Variants in CBFB observed in about 807,000 individuals in gnomAD.
The protein encoded by CBFB is core-binding factor subunit beta.
In CBFB, 9 loss-of-function variants were observed where a neutral mutation model predicts 30.4. The observed-to-expected ratio is 0.30, with a 90% confidence interval of 0.18 to 0.52. The LOEUF is 0.52. Ranked by LOEUF, CBFB falls within the 20% of genes least tolerant of loss-of-function variation. The pLI, the probability that CBFB is intolerant of heterozygous loss-of-function variation, is 0.97. For missense variants in CBFB, 170 were observed against 244.0 expected (o/e 0.70, Z 2.02); for synonymous variants, 94 against 84.0 (o/e 1.12, Z -0.65).
At chr16:67,031,603 T>C (rs141827951) in intron 2 of CBFB, among the ~76,000 whole-genome samples, 9,567 of 152,250 alleles carry the variant, frequency 0.063, 482 homozygotes, top group African/African-American at 0.13. Context: ...CTTCGCCTCC[T>C]GGGTTAAAGC....
At chr16:67,037,882 G>T (rs973378707) in intron 3 of CBFB, among the ~76,000 whole-genome samples, 2 of 151,844 alleles carry the variant, frequency 1.3e-5, no homozygotes, top group Admixed American at 1.3e-4. Context: ...TATTGGTCAG[G>T]CTGGTCTTGA....
chr16:67,065,229 G>A (rs1355320389), intron 3 of CBFB, among the ~76,000 whole-genome samples: 2 of 152,110 alleles, frequency 1.3e-5, no homozygotes. Context: ...TGAAGCTGAA[G>A]GTTCACCAGA....
chr16:67,085,780 C>G (rs1597158360), intron 5 of CBFB, among the ~76,000 whole-genome samples: 1 of 150,750 alleles, frequency 6.6e-6, no homozygotes, highest in African/African-American at 2.4e-5. Flanking sequence ...CTGGTTCAAG[C>G]CATTCTTCTG....
intron 4 of CBFB, among the ~76,000 whole-genome samples, chr16:67,076,403 A>T (rs959903875): frequency 6.6e-6 from 1 of 152,160 alleles, no homozygotes; most frequent in African/African-American, 2.4e-5. Flanking sequence ...TAAATAATTT[A>T]AAAAACATCA....
rs1383880014 is a variant in CBFB, at chr16:67,064,037, C to G, written c.283-2645C>G. ...CATTTGGTGCAGGTAAATGAAAAGC[C>G]TCGTTAATAAATATATATTTGATAA... is the stretch of plus-strand genomic sequence containing the variant. On this transcript the variant is annotated intron_variant, in intron 3 of 5. Transcript: ENST00000412916. Among the ~76,000 whole-genome samples the G allele has an allele frequency of 3.3e-5, 5 of 152,224 alleles. No individual in the cohort carries two copies. In the East Asian group the frequency reaches 9.6e-4, roughly 29 times the overall value.
At chr16:67,063,631 C>T (rs1378799749) in intron 3 of CBFB, among the ~76,000 whole-genome samples, 1 of 152,008 alleles carries the variant, frequency 6.6e-6, no homozygotes, top group African/African-American at 2.4e-5. Flanking sequence ...CTTGTAGAGA[C>T]AGGGTTTCAT....
intron 4 of CBFB, among the ~76,000 whole-genome samples, chr16:67,074,181 A>G (rs1961319744): frequency 6.6e-6 from 1 of 150,826 alleles, no homozygotes; most frequent in Non-Finnish European, 1.5e-5. Context: ...ACCATCAGTT[A>G]CATTTCTATA....
In CBFB at chr16:67,050,348, C is replaced by T. The variant is rs897722802; in HGVS notation, c.282+13593C>T. ...CACACACATATATATGTATATATAA[C>T]GTTCTAAGACTTTCAGGGATTCCTG... On this transcript the variant is annotated intron_variant, in intron 3 of 5. Coordinates refer to ENST00000412916, the MANE Select transcript of CBFB (RefSeq NM_022845.3). 2.0e-5 allele frequency among the ~76,000 whole-genome samples: 3 copies of T among 149,854 alleles called. No homozygotes were observed. In the Admixed American group the frequency reaches 2.0e-4, roughly 10 times the overall value.
At chr16:67,092,728 T>TTTTTTTTTTTA (rs1961930659) in intron 5 of CBFB, among the ~76,000 whole-genome samples, 1 of 131,166 alleles carries the variant, frequency 7.6e-6, no homozygotes, top group Non-Finnish European at 1.5e-5. Context: ...TTTTTTTTTT[T>TTTTTTTTTTTA]TTGAGATAAA....
chr16:67,042,368 C>CT (rs1474792115), intron 3 of CBFB, among the ~76,000 whole-genome samples: 12 of 152,334 alleles, frequency 7.9e-5, no homozygotes, highest in African/African-American at 9.6e-5. Context: ...AGGCTGGCCT[C>CT]TAACTCCTGG....
At chr16:67,085,771 T>G (rs1961711829) in intron 5 of CBFB, among the ~76,000 whole-genome samples, 1 of 146,720 alleles carries the variant, frequency 6.8e-6, no homozygotes, top group Non-Finnish European at 1.5e-5. Flanking sequence ...TCCGCCTCCC[T>G]GGTTCAAGCC....
chr16:67,064,328 TC>T (rs1555537160), intron 3 of CBFB, among the ~76,000 whole-genome samples: 1 of 152,162 alleles, frequency 6.6e-6, no homozygotes, highest in Non-Finnish European at 1.5e-5. Context: ...TGTCTCAGCC[TC>T]CCAAGTACCT....
In CBFB at chr16:67,074,252, G is replaced by A. The variant is rs538829386; in HGVS notation, c.399+7454G>A. Among the ~76,000 whole-genome samples the A allele has an allele frequency of 4.6e-5, 7 of 151,306 alleles. No individual in the cohort carries two copies. In the South Asian group the frequency reaches 6.3e-4, roughly 14 times the overall value. The stretch of plus-strand genomic sequence containing the variant: ...GTGCAGACAAGGGTGGGGGGCAGGG[G>A]GTAGGTCTCTTCAGTAAATGATGCT... On this transcript the variant is annotated intron_variant, in intron 4 of 5. Transcript: ENST00000412916.
chr16:67,070,813 T>C (rs1485820212), intron 4 of CBFB, among the ~76,000 whole-genome samples: 2 of 152,142 alleles, frequency 1.3e-5, no homozygotes, highest in African/African-American at 4.8e-5. Context: ...ATCACACCAC[T>C]GCACTCCAGC....
At chr16:67,062,637 G>T in intron 3 of CBFB, among the ~76,000 whole-genome samples, 1 of 151,322 alleles carries the variant, frequency 6.6e-6, no homozygotes, top group Non-Finnish European at 1.5e-5. Flanking sequence ...ACTAAAAATA[G>T]AAAAGTTAGC....
intron 2 of CBFB, among the ~76,000 whole-genome samples, chr16:67,035,214 G>A (rs866579855): frequency 8.5e-5 from 13 of 152,196 alleles, no homozygotes; most frequent in South Asian, 2.1e-4. Flanking sequence ...CTCCCAAGTA[G>A]CTGGGATTAC....
chr16:67,065,869 A>AT (rs1043732991), intron 3 of CBFB, among the ~76,000 whole-genome samples: 67 of 152,336 alleles, frequency 4.4e-4, no homozygotes, highest in African/African-American at 1.5e-3. Flanking sequence ...GGAAAAGTAA[A>AT]AAATAAATAA....
At chr16:67,076,442 G>A (rs771421451) in intron 4 of CBFB, among the ~76,000 whole-genome samples, 8 of 151,996 alleles carry the variant, frequency 5.3e-5, no homozygotes, top group Non-Finnish European at 8.8e-5. Flanking sequence ...TTATGTAAAA[G>A]TACAAAATCA....
At chr16:67,033,734 C>T (rs1248196859) in intron 2 of CBFB, among the ~76,000 whole-genome samples, 1 of 151,658 alleles carries the variant, frequency 6.6e-6, no homozygotes, top group Non-Finnish European at 1.5e-5. Flanking sequence ...GCTTCAGCCT[C>T]CCGAGTAACT....
Sources: allele counts gnomAD v4.1 joint callset (sites outside exome capture counted in the v4.1 genomes callset), GRCh38; gene constraint gnomAD v4.1.1; transcripts MANE v1.5; gene names NCBI Gene and HGNC (gene_info 2026-07-23, HGNC 2026-07-21).